FOXP1: variants seen among roughly 807,000 people sequenced by gnomAD.
FOXP1 encodes forkhead box P1.
In FOXP1, 15 loss-of-function variants were observed where a neutral mutation model predicts 98.2. That is an observed-to-expected ratio of 0.15 (90% CI 0.10 to 0.24). The LOEUF (loss-of-function observed/expected upper bound fraction) is 0.24. FOXP1 is among the 10% of genes least tolerant of loss of function. The pLI is 1.00. For missense variants in FOXP1, 633 were observed against 848.5 expected (o/e 0.75, Z 3.15); for synonymous variants, 371 against 314.5 (o/e 1.18, Z -1.90).
chr3:71,267,011 G>T lies in FOXP1; in HGVS notation c.-12+32809C>A, dbSNP rs114080806. Among the ~76,000 whole-genome samples, 498 of 152,188 alleles carry T rather than the reference G, an allele frequency of 3.3e-3. 5 individuals are homozygous for T. Among genetic ancestry groups the T allele is most frequent in the African/African-American group, 0.012 (491 of 41,510 alleles). ...GGAGTGAATTTAATCCTTCATCAAAGAACTTGAACCTGCAGATCCATTATT... is the reference window on the plus strand; with the variant it reads ...GGAGTGAATTTAATCCTTCATCAAATAACTTGAACCTGCAGATCCATTATT... On this transcript the variant is annotated intron_variant, in intron 5 of 20. Coordinates refer to ENST00000649528, the MANE Select transcript of FOXP1 (RefSeq NM_001349338.3).
intron 5 of FOXP1, among the ~76,000 whole-genome samples, chr3:71,273,575 C>T (rs1279083329): frequency 6.6e-6 from 1 of 152,202 alleles, no homozygotes; most frequent in African/African-American, 2.4e-5. Context: ...TCCTACGCCG[C>T]CTCCATTATT....
intron 2 of FOXP1, among the ~76,000 whole-genome samples, chr3:71,552,082 A>G (rs1427566495): frequency 6.6e-6 from 1 of 152,156 alleles, no homozygotes; most frequent in East Asian, 1.9e-4. Context: ...AACAAAATCC[A>G]CCTTCAACAG....
At chr3:71,501,939 G>A (rs2107194922) in intron 2 of FOXP1, among the ~76,000 whole-genome samples, 1 of 152,272 alleles carries the variant, frequency 6.6e-6, no homozygotes, top group Non-Finnish European at 1.5e-5. Flanking sequence ...GATCAGCAAG[G>A]CAGGGTCTGG....
chr3:71,190,589 C>T (rs916618577), intron 6 of FOXP1, among the ~76,000 whole-genome samples: 3 of 146,162 alleles, frequency 2.1e-5, no homozygotes, highest in African/African-American at 7.7e-5. Flanking sequence ...TGATCGCAAC[C>T]CTGTACTCTC....
intron 7 of FOXP1, among the ~76,000 whole-genome samples, chr3:71,065,204 A>G (rs2052309335): frequency 6.6e-6 from 1 of 150,666 alleles, no homozygotes; most frequent in Non-Finnish European, 1.5e-5. Flanking sequence ...CCTCCGGCTG[A>G]CGTCTGGGTC....
intron 7 of FOXP1, among the ~76,000 whole-genome samples, chr3:71,100,700 A>G (rs949559875): frequency 2.0e-5 from 3 of 152,224 alleles, no homozygotes; most frequent in African/African-American, 7.2e-5. Context: ...CAGTATCTGC[A>G]ATTCTGGATT....
chr3:71,100,276 G>A (rs704247), intron 7 of FOXP1, among the ~76,000 whole-genome samples: 143,700 of 152,332 alleles, frequency 0.94, 67,986 homozygotes, highest in Non-Finnish European at 0.98. Flanking sequence ...AAACCTCTTC[G>A]GTGTGTAATT....
At chr3:71,529,318 T>C (rs1298653682) in intron 2 of FOXP1, among the ~76,000 whole-genome samples, 2 of 152,238 alleles carry the variant, frequency 1.3e-5, no homozygotes, top group Admixed American at 1.3e-4. Flanking sequence ...TAGTGTGTTA[T>C]CTTACCCAAG....
At chr3:70,978,205 G>A (rs2038010660) in intron 14 of FOXP1, among the ~76,000 whole-genome samples, 176 bp from the exon 15 acceptor site, 1 of 152,216 alleles carries the variant, frequency 6.6e-6, no homozygotes, top group Non-Finnish European at 1.5e-5. Context: ...CACTTAGGAT[G>A]CAGTGTAAGA....
At chr3:71,292,685 A>G (rs1341250601) in intron 5 of FOXP1, 1 of 152,220 alleles carries the variant, frequency 6.6e-6, no homozygotes, top group Non-Finnish European at 1.5e-5. Flanking sequence ...TTAACAAAAC[A>G]TCTAATTACC....
chr3:71,480,204 C>A (rs1448867212), intron 3 of FOXP1, among the ~76,000 whole-genome samples: 1 of 152,034 alleles, frequency 6.6e-6, no homozygotes, highest in African/African-American at 2.4e-5. Context: ...AACAAACAAA[C>A]AAACAAACAA....
intron 4 of FOXP1, among the ~76,000 whole-genome samples, chr3:71,345,516 C>A (rs532537190): frequency 6.6e-6 from 1 of 152,146 alleles, no homozygotes; most frequent in South Asian, 2.1e-4. Context: ...TTGTGGGCCA[C>A]TATCCCTTGT....
chr3:71,306,512 G>A (rs963825454), intron 4 of FOXP1, among the ~76,000 whole-genome samples: 1 of 148,766 alleles, frequency 6.7e-6, no homozygotes, highest in Non-Finnish European at 1.5e-5. Context: ...TACCTACAAA[G>A]ATCTGTTTGA....
chr3:71,436,279 A>C (rs768055793), intron 3 of FOXP1, among the ~76,000 whole-genome samples: 7 of 152,080 alleles, frequency 4.6e-5, no homozygotes, highest in Non-Finnish European at 8.8e-5. Flanking sequence ...GAGATCAACA[A>C]AGCACATTAC....
intron 5 of FOXP1, among the ~76,000 whole-genome samples, chr3:71,208,510 C>G (rs1453684551): frequency 1.4e-5 from 2 of 139,288 alleles, no homozygotes; most frequent in African/African-American, 5.5e-5. Context: ...CTTTTTCTTT[C>G]TTTATCAAAA....
chr3:71,144,123 G>C (rs1239922688), intron 6 of FOXP1, among the ~76,000 whole-genome samples: 1 of 152,126 alleles, frequency 6.6e-6, no homozygotes, highest in Admixed American at 6.5e-5. Context: ...CAGCAAAGAC[G>C]ATTCCCCTGC....
chr3:71,156,438 G>C (rs183029250), intron 6 of FOXP1, among the ~76,000 whole-genome samples: 1 of 152,308 alleles, frequency 6.6e-6, no homozygotes. Context: ...TGCTTCAATG[G>C]AGGGGTGCAC....
intron 3 of FOXP1, among the ~76,000 whole-genome samples, chr3:71,488,631 G>A (rs2090839383): frequency 6.6e-6 from 1 of 152,208 alleles, no homozygotes; most frequent in South Asian, 2.1e-4. Context: ...AAAATATTTA[G>A]CCAATTACAT....
At chr3:71,356,746 G>C (rs1169148850) in intron 4 of FOXP1, among the ~76,000 whole-genome samples, 1 of 152,162 alleles carries the variant, frequency 6.6e-6, no homozygotes, top group South Asian at 2.1e-4. Context: ...CTTCAAAGCA[G>C]ACACTCTTAA....
Sources: gnomAD v4.1 joint callset for allele counts (sites outside exome capture counted in the v4.1 genomes callset) on GRCh38, gnomAD v4.1.1 for gene constraint, MANE v1.5 for transcripts, NCBI Gene and HGNC (gene_info 2026-07-23, HGNC 2026-07-21) for gene names.